Variants in ANKS1A observed in about 807,000 individuals in gnomAD.
ANKS1A encodes the protein ankyrin repeat and SAM domain-containing protein 1A.
ANKS1A carries 55 observed loss-of-function variants against 120.3 expected under a neutral mutation model. The ratio of observed to expected loss-of-function variants is 0.46; its 90% CI spans 0.37 to 0.57. The LOEUF (loss-of-function observed/expected upper bound fraction) is 0.57, where lower values mean the gene tolerates loss of function less well. Ranked by LOEUF, ANKS1A falls within the 20% of genes least tolerant of loss-of-function variation. The probability of loss-of-function intolerance (pLI) is 0.00; values close to 1 mark genes in which losing one functional copy is unlikely to be tolerated. For synonymous variants in ANKS1A, 590 were observed against 604.7 expected (o/e 0.98, Z 0.36); for missense variants, 1,123 against 1,480.3 (o/e 0.76, Z 3.96).
chr6:34,928,655 A>C (rs930478290), intron 1 of ANKS1A, among the ~76,000 whole-genome samples: 2 of 151,974 alleles, frequency 1.3e-5, no homozygotes, highest in African/African-American at 4.8e-5. Context: ...TCTGTTTTGC[A>C]GATGAGGAAA....
At chr6:35,073,408 C>T (rs1385262993) in intron 13 of ANKS1A, among the ~76,000 whole-genome samples, 2 of 152,174 alleles carry the variant, frequency 1.3e-5, no homozygotes, top group Non-Finnish European at 2.9e-5. Flanking sequence ...CTCTGCAAAG[C>T]GGGGAGCAGT....
rs555542923 is a variant in ANKS1A at position 34,947,466 on chromosome 6, G to GT, written c.198-19771dup. On this transcript the variant is annotated intron_variant, in intron 1 of 23. Coordinates refer to ENST00000360359, the MANE Select transcript of ANKS1A (RefSeq NM_015245.3). ...CCAGCCTATACATAGTAGACTCTCT[G>GT]TTGCGTCTCTTGTGCTTCTGAAATA... Among the ~76,000 whole-genome samples the GT allele has an allele frequency of 2.6e-5, 4 of 152,180 alleles. 1 individual carries two copies. The South Asian group carries it at 8.3e-4, about 32-fold the overall frequency.
chr6:35,082,660 G>C lies in ANKS1A; in HGVS notation c.2710-31G>C. The C allele has an allele frequency of 6.3e-7, 1 of 1,591,552 alleles. No homozygotes were observed. Among genetic ancestry groups the C allele is most frequent in the African/African-American group, 1.3e-5 (1 of 74,438 alleles). On this transcript the variant is annotated intron_variant, in intron 17 of 23. Transcript: ENST00000360359. The surrounding 1 kb of genome is among the most constrained non-coding windows in gnomAD (Gnocchi z 4.1). ...AGCCCATGTGCTCCTCTGGAGCAAGGAGCAGGTGTCCAATTGCGTGTGTTT... is the reference window on the plus strand; with the variant it reads ...AGCCCATGTGCTCCTCTGGAGCAAGCAGCAGGTGTCCAATTGCGTGTGTTT...
rs1231862451 is a variant in ANKS1A at position 35,050,814 on chromosome 6, C to T, written c.2011-3285C>T. 1.3e-5 allele frequency among the ~76,000 whole-genome samples: 2 copies of T among 152,178 alleles called. No homozygotes were observed. The highest frequency in any genetic ancestry group is 4.8e-5 in the African/African-American group (2 of 41,440). On this transcript the variant is annotated intron_variant, in intron 11 of 23. Transcript: ENST00000360359. This position sits in a 1 kb window ranked among gnomAD's most constrained non-coding sequence, Gnocchi z 4.3. ...CTTCGCTGCCATGTCCCTCCTGGCC[C>T]TGAGCTTCCACCAAGACAGGTTCCA... is the stretch of plus-strand genomic sequence containing the variant.
rs922383322 is a variant in ANKS1A at position 35,085,886 on chromosome 6, A to G, written c.3253A>G (p.Lys1085Glu). 1.2e-6 allele frequency: 2 copies of G among 1,613,394 alleles called. No homozygotes were observed. The highest frequency in any genetic ancestry group is 1.7e-6 in the Non-Finnish European group (2 of 1,179,860). Residue 1085 changes from lysine (K) to glutamate (E), a missense_variant, in exon 22 of 24, where the codon AAA becomes GAA. By Grantham distance (56) the Lys-to-Glu change is moderately conservative (BLOSUM62 1). Around this residue, in one of 3 missense-constraint regions of ANKS1A, gnomAD observed 904 missense variants for 1,130.4 expected, o/e 0.80. Coordinates refer to ENST00000360359, the MANE Select transcript of ANKS1A (RefSeq NM_015245.3). The surrounding 1 kb of genome is among the most constrained non-coding windows in gnomAD (Gnocchi z 4.7). ...CTCTGCAGCTGAGATGATTGAAACA[A>G]AATCTTCCAAACCGGTGCCTAAGCC... ...GASAAEMIET[K>E]SSKPVPKPRV...
intron 11 of ANKS1A, among the ~76,000 whole-genome samples, chr6:35,030,739 G>A (rs1162253765): frequency 6.6e-6 from 1 of 152,146 alleles, no homozygotes; most frequent in Non-Finnish European, 1.5e-5. Flanking sequence ...GGTAGGTCAT[G>A]CATGCAGTCC....
chr6:34,963,042 A>G (rs1770723730), intron 1 of ANKS1A, among the ~76,000 whole-genome samples: 1 of 151,576 alleles, frequency 6.6e-6, no homozygotes, highest in Non-Finnish European at 1.5e-5. Context: ...TTGTATTTTT[A>G]GTAGAGGCGG....
chr6:35,051,583 C>T (rs73403837), intron 11 of ANKS1A, among the ~76,000 whole-genome samples: 3,919 of 152,262 alleles, frequency 0.026, 59 homozygotes, highest in Middle Eastern at 0.058. Flanking sequence ...GGTTCATTCA[C>T]AGATTCATTC....
chr6:34,932,618 C>T (rs992937509), intron 1 of ANKS1A, among the ~76,000 whole-genome samples: 3 of 152,244 alleles, frequency 2.0e-5, no homozygotes, highest in African/African-American at 7.2e-5. Flanking sequence ...CTCCTGACCT[C>T]AAGTGATCTA....
At chr6:34,909,267 G>A (rs751217145) in intron 1 of ANKS1A, among the ~76,000 whole-genome samples, 6 of 152,096 alleles carry the variant, frequency 3.9e-5, no homozygotes, top group Non-Finnish European at 8.8e-5. Flanking sequence ...AAATTCTCCC[G>A]TAAAACACAG....
At chr6:34,975,329 C>G (rs1275285757) in intron 3 of ANKS1A, among the ~76,000 whole-genome samples, 1 of 151,956 alleles carries the variant, frequency 6.6e-6, no homozygotes, top group Non-Finnish European at 1.5e-5. Flanking sequence ...TGGCATGTGC[C>G]TATAATCCCA....
chr6:34,929,008 A>G (rs1768846058), intron 1 of ANKS1A, among the ~76,000 whole-genome samples: 1 of 152,178 alleles, frequency 6.6e-6, no homozygotes, highest in South Asian at 2.1e-4. Flanking sequence ...GTTTCTTAGA[A>G]ATCTCAGAAA....
intron 23 of ANKS1A, among the ~76,000 whole-genome samples, chr6:35,087,576 C>T (rs1272223629): frequency 1.3e-5 from 2 of 152,226 alleles, no homozygotes; most frequent in Non-Finnish European, 2.9e-5. Context: ...CCAGAGTCCC[C>T]AGCACTCTGC....
At chr6:34,929,448 G>C (rs1768869875) in intron 1 of ANKS1A, among the ~76,000 whole-genome samples, 1 of 152,104 alleles carries the variant, frequency 6.6e-6, no homozygotes, top group Non-Finnish European at 1.5e-5. Context: ...ATGCTAGATG[G>C]GGAACTTGGC....
rs1316321285 is a variant in ANKS1A at position 35,057,305 on chromosome 6, C to A, written c.2078-2842C>A. Among the ~76,000 whole-genome samples the A allele has an allele frequency of 6.6e-6, 1 of 152,164 alleles. No homozygotes were observed. The highest frequency in any genetic ancestry group is 2.4e-5 in the African/African-American group (1 of 41,458). ...AGGAGTCCAGGAGGGTATGCCTTCC[C>A]ACTGGCCCAGGCCACTCTGGCTCTG... is the stretch of plus-strand genomic sequence containing the variant. On this transcript the variant is annotated intron_variant, in intron 12 of 23. Coordinates refer to ENST00000360359, the MANE Select transcript of ANKS1A (RefSeq NM_015245.3). This position sits in a 1 kb window ranked among gnomAD's most constrained non-coding sequence, Gnocchi z 4.1.
At position 34,889,397 on chromosome 6, in the gene ANKS1A, C is replaced by G. The variant is rs1766673000; in HGVS notation, c.-6C>G. 7.9e-7 allele frequency: 1 copy of G among 1,265,518 alleles called. No homozygotes were observed. Among genetic ancestry groups the G allele is most frequent in the Non-Finnish European group, 9.9e-7 (1 of 1,008,668 alleles). 78.4% of individuals were successfully genotyped at this position (1,265,518 alleles called of 1,614,324 possible). A position where few individuals can be genotyped will look rare whatever the true frequency, so the allele number is the denominator to read the frequency against. On this transcript the variant is annotated 5_prime_UTR_variant, in exon 1 of 24. Coordinates refer to ENST00000360359, the MANE Select transcript of ANKS1A (RefSeq NM_015245.3). This position sits in a 1 kb window ranked among gnomAD's most constrained non-coding sequence, Gnocchi z 5.5. Reference sequence around the variant, plus strand: ...GGAGGGGGTCCAGCGGGTGGCGGCCCTGGGGATGGGGAAGGAGCAGGAGCT... The same window carrying G: ...GGAGGGGGTCCAGCGGGTGGCGGCCGTGGGGATGGGGAAGGAGCAGGAGCT...
At chr6:35,094,227 A>C (rs963418376), downstream of ANKS1A, among the ~76,000 whole-genome samples, 3 of 152,244 alleles carry the variant, frequency 2.0e-5, no homozygotes, top group Admixed American at 1.3e-4. Flanking sequence ...ATCACTTATC[A>C]TACCAATATC....
chr6:34,967,548 T>TA (rs1770963281), intron 2 of ANKS1A, among the ~76,000 whole-genome samples: 1 of 147,578 alleles, frequency 6.8e-6, no homozygotes, highest in Non-Finnish European at 1.5e-5. Flanking sequence ...AAAATTTTTT[T>TA]AATTAATCAG....
intron 6 of ANKS1A, 55 bp downstream of exon 6, chr6:34,983,269 G>T (rs928249955): frequency 3.1e-6 from 5 of 1,610,066 alleles, no homozygotes; most frequent in Non-Finnish European, 4.2e-6. Flanking sequence ...TTGAACCAAG[G>T]CATTTGTATT....
Sources: gnomAD v4.1 joint callset for allele counts (sites outside exome capture counted in the v4.1 genomes callset) on GRCh38, gnomAD v4.1.1 for gene constraint, gnomAD v4.1.1 regional missense constraint, Gnocchi (gnomAD v3.1) non-coding constraint, MANE v1.5 for transcripts, NCBI Gene and HGNC (gene_info 2026-07-23, HGNC 2026-07-21) for gene names.